The following GALNT1 variants were observed in gnomAD, a reference collection of about 807,000 sequenced individuals.
GALNT1 encodes the protein GalNAc transferase 1.
Under a neutral mutation model 65.7 loss-of-function variants are expected in GALNT1, and 17 were observed. The observed-to-expected ratio is 0.26, with a 90% CI of 0.18 to 0.39. The LOEUF (loss-of-function observed/expected upper bound fraction) is 0.39, where lower values mean the gene tolerates loss of function less well. GALNT1 is among the 10% of genes least tolerant of loss of function. GALNT1 has a pLI of 1.00. For missense variants in GALNT1, 460 were observed against 672.8 expected (o/e 0.68, Z 3.50); for synonymous variants, 210 against 219.7 (o/e 0.96, Z 0.39).
At chr18:35,589,730 A>G (rs1568011369) in intron 1 of GALNT1, among the ~76,000 whole-genome samples, 1 of 152,220 alleles carries the variant, frequency 6.6e-6, no homozygotes, top group Non-Finnish European at 1.5e-5. Context: ...GGGAAAATAC[A>G]TCTGCTTCAT....
chr18:35,623,364 G>T (rs2046880081), intron 1 of GALNT1, among the ~76,000 whole-genome samples: 1 of 149,058 alleles, frequency 6.7e-6, no homozygotes. Context: ...CTTTATCTTT[G>T]GTTTTCAACA....
chr18:35,581,708 G>T (rs1461149583), upstream of GALNT1: 5 of 140,638 alleles, frequency 3.6e-5, no homozygotes, highest in Non-Finnish European at 6.3e-5. Flanking sequence ...GGGCCCGGCC[G>T]GACCCGCCCG....
At chr18:35,666,753 C>A (rs1008241160) in intron 3 of GALNT1, among the ~76,000 whole-genome samples, 3 of 152,120 alleles carry the variant, frequency 2.0e-5, no homozygotes, top group Non-Finnish European at 4.4e-5. Flanking sequence ...TGCTTGTGCA[C>A]CAAGTTTCAC....
intron 1 of GALNT1, chr18:35,596,033 G>T (rs911950519): frequency 4.6e-5 from 7 of 152,126 alleles, no homozygotes; most frequent in African/African-American, 1.7e-4. Context: ...GAGAGAGAGG[G>T]TGCTGCGAAA....
At chr18:35,635,870 A>T (rs2047082202) in intron 1 of GALNT1, among the ~76,000 whole-genome samples, 1 of 152,136 alleles carries the variant, frequency 6.6e-6, no homozygotes, top group Non-Finnish European at 1.5e-5. Context: ...ATTAACTTAA[A>T]GACAGTTATT....
At chr18:35,650,564 T>C (rs190703108) in intron 1 of GALNT1, among the ~76,000 whole-genome samples, 13 of 152,166 alleles carry the variant, frequency 8.5e-5, no homozygotes, top group Non-Finnish European at 1.9e-4. Flanking sequence ...ATCCCTTATC[T>C]ACAACCATAA....
At chr18:35,684,039 G>A (rs1335453475) in intron 5 of GALNT1, among the ~76,000 whole-genome samples, 3 of 152,214 alleles carry the variant, frequency 2.0e-5, no homozygotes, top group Non-Finnish European at 2.9e-5. Context: ...ATTTTGTATG[G>A]AAAGCACCAT....
At chr18:35,637,389 C>G (rs1241665023) in intron 1 of GALNT1, among the ~76,000 whole-genome samples, 1 of 152,202 alleles carries the variant, frequency 6.6e-6, no homozygotes, top group African/African-American at 2.4e-5. Context: ...AGTGAACACA[C>G]AAATGATAAG....
chr18:35,631,624 G>T (rs896769618), intron 1 of GALNT1, among the ~76,000 whole-genome samples: 1 of 152,116 alleles, frequency 6.6e-6, no homozygotes, highest in African/African-American at 2.4e-5. Flanking sequence ...AAAACTGGAA[G>T]CATTCCCTTT....
chr18:35,581,608 G>C (rs1195728814), upstream of GALNT1: 16 of 222 alleles, frequency 0.072, no homozygotes, highest in Admixed American at 0.38. Context: ...GGGCGGCCCG[G>C]AGTAGCGCCG....
intron 1 of GALNT1, among the ~76,000 whole-genome samples, chr18:35,642,563 T>C (rs2047178590): frequency 1.3e-5 from 2 of 152,194 alleles, no homozygotes; most frequent in African/African-American, 4.8e-5. Context: ...AGATGTGTGT[T>C]GTGTTGTGAT....
In GALNT1 at chr18:35,663,745, T is replaced by G; in HGVS notation, c.257T>G (p.Leu86Ter). The part of the protein sequence containing the change: ...KEMFKINQFN[L>*]MASEMIALNR... ...ATGTTTAAAATCAATCAGTTCAATT[T>G]AATGGCAAGTGAGATGATTGCACTC... The change falls in exon 3 of 12, where the codon TTA (leucine) becomes TGA (stop). Residue 86 changes from leucine to a stop codon, truncating the protein, a stop_gained. Coordinates refer to ENST00000269195, the MANE Select transcript of GALNT1 (RefSeq NM_020474.4). LOFTEE classifies it high-confidence loss of function. The G allele has an allele frequency of 6.2e-7, 1 of 1,613,980 alleles. No homozygotes were observed. Among genetic ancestry groups the G allele is most frequent in the Non-Finnish European group, 8.5e-7 (1 of 1,179,920 alleles).
At chr18:35,621,852 A>G (rs1192645727) in intron 1 of GALNT1, among the ~76,000 whole-genome samples, 1 of 152,134 alleles carries the variant, frequency 6.6e-6, no homozygotes, top group Admixed American at 6.5e-5. Flanking sequence ...TTTCACACAG[A>G]TTTATAGTGC....
intron 1 of GALNT1, among the ~76,000 whole-genome samples, chr18:35,621,462 G>C (rs2046850694): frequency 7.6e-6 from 1 of 131,154 alleles, no homozygotes; most frequent in Non-Finnish European, 1.6e-5. Flanking sequence ...ACAATGCTAG[G>C]ATTATAGACA....
At chr18:35,591,003 C>T (rs957912816) in intron 1 of GALNT1, among the ~76,000 whole-genome samples, 1 of 152,114 alleles carries the variant, frequency 6.6e-6, no homozygotes, top group Non-Finnish European at 1.5e-5. Flanking sequence ...CAAAAGATGA[C>T]TAAAACAGCT....
At chr18:35,636,351 T>C (rs1032919178) in intron 1 of GALNT1, among the ~76,000 whole-genome samples, 1 of 152,112 alleles carries the variant, frequency 6.6e-6, no homozygotes, top group African/African-American at 2.4e-5. Flanking sequence ...TAGAACAAAA[T>C]GGACCAGAGG....
chr18:35,583,180 C>T (rs1192051956), intron 1 of GALNT1, among the ~76,000 whole-genome samples: 4 of 152,192 alleles, frequency 2.6e-5, no homozygotes, highest in East Asian at 1.9e-4. Context: ...ACTCCGAGTC[C>T]TGCTATTCCA....
intron 3 of GALNT1, among the ~76,000 whole-genome samples, chr18:35,669,069 G>GT (rs2047591361): frequency 6.6e-6 from 1 of 152,094 alleles, no homozygotes; most frequent in Admixed American, 6.5e-5. Context: ...GTGAAACCCT[G>GT]TCTCTACTAA....
chr18:35,660,476 C>T (rs2047462790), intron 2 of GALNT1, among the ~76,000 whole-genome samples: 1 of 152,148 alleles, frequency 6.6e-6, no homozygotes, highest in Admixed American at 6.5e-5. Context: ...TTTGGAATAA[C>T]ACCTTTGTCC....
Sources: gnomAD v4.1 joint callset for allele counts (sites outside exome capture counted in the v4.1 genomes callset) on GRCh38, gnomAD v4.1.1 for gene constraint, MANE v1.5 for transcripts, NCBI Gene and HGNC (gene_info 2026-07-23, HGNC 2026-07-21) for gene names.